Variants in CEP63 observed in about 807,000 individuals in gnomAD.
CEP63 encodes the protein centrosomal protein of 63 kDa.
Under a neutral mutation model 89.1 loss-of-function variants are expected in CEP63, and 84 were observed. The ratio of observed to expected loss-of-function variants is 0.94; its 90% CI spans 0.79 to 1.13. The LOEUF (loss-of-function observed/expected upper bound fraction) is 1.13, where lower values mean the gene tolerates loss of function less well. Among genes scored for constraint, CEP63 ranks in the 50% most tolerant of loss-of-function variants. CEP63 has a pLI of 0.00. For missense variants in CEP63, 838 were observed against 813.3 expected (o/e 1.03, Z -0.37); for synonymous variants, 267 against 272.5 (o/e 0.98, Z 0.20).
chr3:134,708,986 C>A, the CEP63 span, among the ~76,000 whole-genome samples: 2 of 152,100 alleles, frequency 1.3e-5, no homozygotes, highest in East Asian at 1.9e-4. Flanking sequence ...AGGAAAAAAA[C>A]CACTGTCTTC....
intron 3 of CEP63, among the ~76,000 whole-genome samples, chr3:134,525,557 TTC>T (rs957024753): frequency 2.6e-5 from 4 of 152,202 alleles, no homozygotes; most frequent in African/African-American, 7.2e-5. Context: ...ATGGATTTGA[TTC>T]TCTCATGATG....
chr3:134,717,162 G>A, the CEP63 span, among the ~76,000 whole-genome samples: 10,986 of 152,308 alleles, frequency 0.072, 723 homozygotes, highest in African/African-American at 0.18. Context: ...GATACTGAGT[G>A]TGGAGATTCG....
At chr3:134,773,092 C>A in the CEP63 span, among the ~76,000 whole-genome samples, 10 of 152,332 alleles carry the variant, frequency 6.6e-5, no homozygotes, top group East Asian at 3.9e-4. Flanking sequence ...AGCCTCCCAT[C>A]AGCTGCCCTG....
chr3:134,603,256 A>G, the CEP63 span: 1 of 229,046 alleles, frequency 4.4e-6, no homozygotes, highest in Non-Finnish European at 8.5e-6. Flanking sequence ...CATCAACCCT[A>G]CAGCAACAAC....
chr3:134,500,127 A>G (rs887113311), intron 2 of CEP63, among the ~76,000 whole-genome samples: 1 of 152,002 alleles, frequency 6.6e-6, no homozygotes, highest in East Asian at 1.9e-4. Context: ...TGCCTGGCTT[A>G]TTATTCCCAT....
the CEP63 span, chr3:134,755,737 C>T: frequency 3.3e-5 from 5 of 152,214 alleles, no homozygotes; most frequent in African/African-American, 1.2e-4. Context: ...ATACCTGTTG[C>T]TAAGCAATTA....
At chr3:134,614,011 AT>A in the CEP63 span, among the ~76,000 whole-genome samples, 9 of 152,236 alleles carry the variant, frequency 5.9e-5, no homozygotes, top group South Asian at 4.1e-4. Context: ...ACATAAAAAA[AT>A]ATCATATCCC....
chr3:134,609,484 G>C, the CEP63 span, among the ~76,000 whole-genome samples: 2 of 152,196 alleles, frequency 1.3e-5, no homozygotes. Flanking sequence ...CCATGTGTGG[G>C]AGTGTCAAGA....
chr3:134,647,603 C>T, the CEP63 span: 1 of 650,116 alleles, frequency 1.5e-6, no homozygotes, highest in Non-Finnish European at 2.7e-6. Flanking sequence ...TCTTGGCTCT[C>T]TTGGAATCTG....
At chr3:134,495,272 G>A in intron 1 of CEP63, 24 bp from the exon 2 acceptor site, 1 of 1,527,274 alleles carries the variant, frequency 6.5e-7, no homozygotes, top group South Asian at 1.1e-5. Context: ...ATTGTCTCAT[G>A]ACTGATATTT....
the CEP63 span, among the ~76,000 whole-genome samples, chr3:134,780,068 T>C: frequency 6.6e-6 from 1 of 152,344 alleles, no homozygotes; most frequent in Admixed American, 6.5e-5. Context: ...TGCTCTGTAT[T>C]CTACGAACCC....
the CEP63 span, among the ~76,000 whole-genome samples, chr3:134,746,224 C>T: frequency 1.3e-5 from 2 of 151,828 alleles, no homozygotes; most frequent in Non-Finnish European, 2.9e-5. Context: ...CCAGCTTTAT[C>T]CATGTCCCTA....
chr3:134,719,457 A>G, the CEP63 span, among the ~76,000 whole-genome samples: 1 of 152,190 alleles, frequency 6.6e-6, no homozygotes, highest in Admixed American at 6.5e-5. Flanking sequence ...TTTATTTTTT[A>G]AAGAGTTTTA....
chr3:134,735,532 T>C, the CEP63 span, among the ~76,000 whole-genome samples: 4 of 152,104 alleles, frequency 2.6e-5, no homozygotes, highest in Non-Finnish European at 5.9e-5. Context: ...ACAGAAAAGG[T>C]ATTTGTTTAT....
chr3:134,651,206 G>A, the CEP63 span: 1 of 1,322,560 alleles, frequency 7.6e-7, no homozygotes, highest in Non-Finnish European at 9.7e-7. Flanking sequence ...GAAATCCCCG[G>A]GCCCAAGCCT....
the CEP63 span, chr3:134,643,299 A>C: frequency 1.9e-6 from 3 of 1,613,220 alleles, no homozygotes. Context: ...GGTCACGGCT[A>C]GCGGCGAATC....
chr3:134,658,323 G>A, the CEP63 span, among the ~76,000 whole-genome samples: 1 of 152,222 alleles, frequency 6.6e-6, no homozygotes, highest in African/African-American at 2.4e-5. Flanking sequence ...CATATCCTTA[G>A]TTCCTTTTTC....
the CEP63 span, among the ~76,000 whole-genome samples, chr3:134,645,028 C>T: frequency 2.0e-5 from 3 of 152,232 alleles, no homozygotes; most frequent in Non-Finnish European, 4.4e-5. Flanking sequence ...AAACAAGATC[C>T]GGGAAGGGAA....
At chr3:134,701,573 T>C in the CEP63 span, among the ~76,000 whole-genome samples, 1 of 150,458 alleles carries the variant, frequency 6.6e-6, no homozygotes, top group African/African-American at 2.4e-5. Context: ...TATTCAAGAG[T>C]GACAAGAATA....
Sources: gnomAD v4.1 joint callset for allele counts (sites outside exome capture counted in the v4.1 genomes callset) on GRCh38, gnomAD v4.1.1 for gene constraint, MANE v1.5 for transcripts, NCBI Gene and HGNC (gene_info 2026-07-23, HGNC 2026-07-21) for gene names.